ICE2: variants seen among roughly 807,000 people sequenced by gnomAD.
ICE2 encodes the protein interactor of little elongation complex ELL subunit 2.
Under a neutral mutation model 105.4 loss-of-function variants are expected in ICE2, and 87 were observed. The observed-to-expected ratio is 0.83, with a 90% confidence interval of 0.69 to 0.99. The LOEUF (loss-of-function observed/expected upper bound fraction) is 0.99, where lower values mean the gene tolerates loss of function less well. Ranked by LOEUF, ICE2 falls within the 50% of genes least tolerant of loss-of-function variation. The pLI, the probability that ICE2 is intolerant of heterozygous loss-of-function variation, is 0.00. For synonymous variants in ICE2, 399 were observed against 392.0 expected (o/e 1.02, Z -0.21); for missense variants, 1,323 against 1,146.7 (o/e 1.15, Z -2.22).
At position 60,466,580 on chromosome 15, in the gene ICE2, AGTT is replaced by A; in HGVS notation, c.528+11_528+13del. 1 of 1,608,462 alleles carries A rather than the reference AGTT, an allele frequency of 6.2e-7. No individual in the cohort carries two copies. The highest frequency in any genetic ancestry group is 8.5e-7 in the Non-Finnish European group (1 of 1,179,128). ...TCACTTCGCAATTTACACAAATGTG[AGTT>A]GTTTTTTTACCTCTGTGAAGAGACG... On this transcript the variant is annotated intron_variant, in intron 5 of 15. Coordinates refer to ENST00000261520, the MANE Select transcript of ICE2 (RefSeq NM_024611.6).
chr15:60,452,813 CAG>C (rs1384572105), intron 9 of ICE2: 2 of 963,532 alleles, frequency 2.1e-6, no homozygotes, highest in African/African-American at 3.5e-5. Context: ...AAACTAGACA[CAG>C]AGATATTATG....
At chr15:60,434,288 G>A (rs114307940) in intron 13 of ICE2, among the ~76,000 whole-genome samples, 2,747 of 152,188 alleles carry the variant, frequency 0.018, 78 homozygotes, top group African/African-American at 0.062. Flanking sequence ...CTTGGTAGAA[G>A]GGCAAACTGA....
Position 60,421,058 on chromosome 15 carries a change from G to A in ICE2, c.*2576C>T, listed in dbSNP as rs970522457. 2.6e-5 allele frequency: 4 copies of A among 152,020 alleles called. No homozygotes were observed. The highest frequency in any genetic ancestry group is 7.3e-5 in the African/African-American group (3 of 41,324). 9.4% of individuals were successfully genotyped at this position (152,020 alleles called of 1,614,324 possible). ...CAAGGCTATGAGAGAATAACTGTGG[G>A]GACCTACTTTGGAGTGCATGGCACA... is the stretch of plus-strand genomic sequence containing the variant. On this transcript the variant is annotated 3_prime_UTR_variant, in exon 16 of 16. Coordinates refer to ENST00000261520, the MANE Select transcript of ICE2 (RefSeq NM_024611.6).
intron 8 of ICE2, 38 bp downstream of exon 8, chr15:60,454,965 T>A: frequency 1.3e-6 from 2 of 1,510,928 alleles, no homozygotes; most frequent in Non-Finnish European, 1.8e-6. Context: ...CCAACTTCTC[T>A]TTTTTGAGAG....
chr15:60,445,162 A>T (rs910769380), intron 11 of ICE2, among the ~76,000 whole-genome samples: 5 of 152,238 alleles, frequency 3.3e-5, no homozygotes, highest in Non-Finnish European at 7.3e-5. Flanking sequence ...AGGTTCTTGG[A>T]CAGCAGAGGT....
intron 15 of ICE2, among the ~76,000 whole-genome samples, chr15:60,424,420 A>ATGGGCAAAGGGGAAGAGGGGGATCAGAG (rs56371232): frequency 6.7e-6 from 1 of 149,336 alleles, no homozygotes; most frequent in South Asian, 2.1e-4. Flanking sequence ...AATACAGAGG[A>ATGGGCAAAGGGGAAGAGGGGGATCAGAG]TGGGGGAAGG....
At chr15:60,428,328 T>A (rs1338576214) in intron 15 of ICE2, 101 bp downstream of exon 15, 3 of 1,256,606 alleles carry the variant, frequency 2.4e-6, no homozygotes, top group African/African-American at 3.0e-5. Flanking sequence ...GTGCTGTGAT[T>A]AATATGACAA....
chr15:60,470,596 A>G (rs1215979334), intron 3 of ICE2, among the ~76,000 whole-genome samples: 1 of 152,212 alleles, frequency 6.6e-6, no homozygotes, highest in Admixed American at 6.5e-5. Context: ...CTTACCAGAT[A>G]CAAATAAGTC....
At chr15:60,426,139 T>C (rs750396198) in intron 15 of ICE2, among the ~76,000 whole-genome samples, 4 of 152,202 alleles carry the variant, frequency 2.6e-5, no homozygotes, top group Non-Finnish European at 5.9e-5. Context: ...TGTGAACATA[T>C]GGAATTTCTC....
chr15:60,425,053 G>A (rs902546349), intron 15 of ICE2, among the ~76,000 whole-genome samples: 1 of 152,122 alleles, frequency 6.6e-6, no homozygotes, highest in African/African-American at 2.4e-5. Context: ...GTAACTCCAA[G>A]CACTCTCTCT....
In ICE2 at chr15:60,476,035, GAAATAAATAACC is replaced by G; in HGVS notation, c.146+16_146+27del. ...ATCAGAAAAACGACCATCAAATATG[GAAATAAATAACC>G]AAATAAACATATTACCTGTTGGATA... is the stretch of plus-strand genomic sequence containing the variant. On this transcript the variant is annotated intron_variant, in intron 3 of 15. Coordinates refer to ENST00000261520, the MANE Select transcript of ICE2 (RefSeq NM_024611.6). The G allele has an allele frequency of 7.1e-7, 1 of 1,405,732 alleles. No individual in the cohort carries two copies. The highest frequency in any genetic ancestry group is 9.7e-7 in the Non-Finnish European group (1 of 1,026,838). 87.1% of individuals were successfully genotyped at this position (1,405,732 alleles called of 1,614,324 possible).
chr15:60,420,068 T>C lies in ICE2; in HGVS notation c.*3566A>G, dbSNP rs981852384. On this transcript the variant is annotated 3_prime_UTR_variant, in exon 16 of 16. Coordinates refer to ENST00000261520, the MANE Select transcript of ICE2 (RefSeq NM_024611.6). ...GATAATGTTTGTTGTTTTAAGTAGCTAAGTTTTGGGATAATTTATTATTCA... is the reference window on the plus strand; with the variant it reads ...GATAATGTTTGTTGTTTTAAGTAGCCAAGTTTTGGGATAATTTATTATTCA... 6.6e-6 allele frequency: 1 copy of C among 152,056 alleles called. No individual in the cohort carries two copies. The highest frequency in any genetic ancestry group is 1.5e-5 in the Non-Finnish European group (1 of 68,020). 9.4% of individuals were successfully genotyped at this position (152,056 alleles called of 1,614,324 possible).
rs1429841968 is a variant in ICE2, at chr15:60,420,759, G to C, written c.*2875C>G. 6.6e-6 allele frequency: 1 copy of C among 152,060 alleles called. No individual in the cohort carries two copies. The highest frequency in any genetic ancestry group is 1.5e-5 in the Non-Finnish European group (1 of 68,028). 9.4% of individuals were successfully genotyped at this position (152,060 alleles called of 1,614,324 possible). A position where few individuals can be genotyped will look rare whatever the true frequency, so the allele number is the denominator to read the frequency against. ...CAGAAAACCTTAACTACCAAGATCTGGTTAGATGACTTGCTTACTTTATCA... is the reference window on the plus strand; with the variant it reads ...CAGAAAACCTTAACTACCAAGATCTCGTTAGATGACTTGCTTACTTTATCA... On this transcript the variant is annotated 3_prime_UTR_variant, in exon 16 of 16. Transcript: ENST00000261520.
intron 5 of ICE2, among the ~76,000 whole-genome samples, chr15:60,458,333 A>G (rs1051274979): frequency 4.6e-5 from 7 of 152,208 alleles, no homozygotes; most frequent in African/African-American, 1.7e-4. Context: ...ATATCTTGAG[A>G]ATTAAATACA....
At chr15:60,430,833 T>C (rs893019578) in intron 14 of ICE2, among the ~76,000 whole-genome samples, 1 of 152,128 alleles carries the variant, frequency 6.6e-6, no homozygotes, top group Non-Finnish European at 1.5e-5. Flanking sequence ...AAAATCCATA[T>C]CCTAAGACTT....
intron 10 of ICE2, among the ~76,000 whole-genome samples, 186 bp downstream of exon 10, chr15:60,448,662 T>C (rs1380844587): frequency 6.6e-6 from 1 of 152,202 alleles, no homozygotes; most frequent in Non-Finnish European, 1.5e-5. Context: ...CATACGCCTT[T>C]GTATACATAT....
rs922597317 is a variant in ICE2 at position 60,420,205 on chromosome 15, T to C, written c.*3429A>G. 12 of 152,142 alleles carry C rather than the reference T, an allele frequency of 7.9e-5. No individual in the cohort carries two copies. The highest frequency in any genetic ancestry group is 2.9e-4 in the African/African-American group (12 of 41,440). 9.4% of individuals were successfully genotyped at this position (152,142 alleles called of 1,614,324 possible). A position where few individuals can be genotyped will look rare whatever the true frequency, so the allele number is the denominator to read the frequency against. On this transcript the variant is annotated 3_prime_UTR_variant, in exon 16 of 16. Transcript: ENST00000261520. ...CTTTCTTCCCACTCTAACCACACTATTTTCTCAATGGGTTAACACCATCAT... is the reference window on the plus strand; with the variant it reads ...CTTTCTTCCCACTCTAACCACACTACTTTCTCAATGGGTTAACACCATCAT...
intron 11 of ICE2, among the ~76,000 whole-genome samples, chr15:60,446,364 C>T (rs1317210988): frequency 6.6e-5 from 10 of 152,018 alleles, no homozygotes; most frequent in South Asian, 2.1e-4. Flanking sequence ...ACCCTCATGC[C>T]GCTGTTATTA....
Position 60,479,015 on chromosome 15 carries a change from G to A in ICE2, c.-105C>T, listed in dbSNP as rs768096362. 4.4e-6 allele frequency: 2 copies of A among 455,802 alleles called. No homozygotes were observed. Among genetic ancestry groups the A allele is most frequent in the Non-Finnish European group, 4.4e-6 (1 of 226,740 alleles). The allele number at this position is 455,802 out of a possible 1,614,324, so 28.2% of individuals were successfully genotyped here. The stretch of plus-strand genomic sequence containing the variant: ...CCTTTCCGCCCACCTCATGGTCCGC[G>A]GCGGCTCTTGCCCAGGCCGCAGCCA... On this transcript the variant is annotated 5_prime_UTR_variant, in exon 1 of 16. Transcript: ENST00000261520.
Sources: gnomAD v4.1 joint callset for allele counts (sites outside exome capture counted in the v4.1 genomes callset) on GRCh38, gnomAD v4.1.1 for gene constraint, MANE v1.5 for transcripts, NCBI Gene and HGNC (gene_info 2026-07-23, HGNC 2026-07-21) for gene names.